Variants in ARB2A observed in about 807,000 individuals in gnomAD.
ARB2A encodes cotranscriptional regulator ARB2A.
At chr5:93,661,909 G>A in the ARB2A span, among the ~76,000 whole-genome samples, 7 of 152,148 alleles carry the variant, frequency 4.6e-5, no homozygotes, top group Non-Finnish European at 1.0e-4. Flanking sequence ...AAAGTACTGA[G>A]TGGGCAGAAA....
the ARB2A span, among the ~76,000 whole-genome samples, chr5:94,076,648 T>C: frequency 1.3e-5 from 2 of 152,240 alleles, no homozygotes; most frequent in African/African-American, 4.8e-5. Flanking sequence ...AAGTCCCACA[T>C]GATAGTGCAC....
the ARB2A span, among the ~76,000 whole-genome samples, chr5:93,945,062 A>G: frequency 2.0e-5 from 3 of 152,200 alleles, no homozygotes; most frequent in Admixed American, 1.3e-4. Flanking sequence ...CTCTCTAAAA[A>G]ACAGACACCA....
At chr5:93,849,466 TACAC>T in the ARB2A span, among the ~76,000 whole-genome samples, 2 of 151,474 alleles carry the variant, frequency 1.3e-5, no homozygotes, top group Non-Finnish European at 3.0e-5. Flanking sequence ...TCAGGAAGAA[TACAC>T]ACACACACAC....
the ARB2A span, among the ~76,000 whole-genome samples, chr5:93,635,575 G>C: frequency 2.6e-5 from 4 of 151,772 alleles, no homozygotes; most frequent in South Asian, 6.3e-4. Flanking sequence ...AAGAAGCTGG[G>C]AGTACGGGCG....
the ARB2A span, among the ~76,000 whole-genome samples, chr5:93,919,817 C>T: frequency 6.6e-6 from 1 of 152,094 alleles, no homozygotes; most frequent in Admixed American, 6.5e-5. Context: ...TTCAAATGAA[C>T]TTTATTTTAG....
the ARB2A span, among the ~76,000 whole-genome samples, chr5:93,894,570 A>G: frequency 2.0e-5 from 3 of 152,094 alleles, no homozygotes; most frequent in African/African-American, 4.8e-5. Flanking sequence ...AACCTTCAAA[A>G]TCTATCCTTG....
At chr5:93,930,243 A>G in the ARB2A span, among the ~76,000 whole-genome samples, 4 of 152,230 alleles carry the variant, frequency 2.6e-5, no homozygotes, top group Non-Finnish European at 5.9e-5. Flanking sequence ...AGATGAAGAC[A>G]AAGCATTTAT....
At chr5:94,067,931 T>A in the ARB2A span, among the ~76,000 whole-genome samples, 1 of 152,196 alleles carries the variant, frequency 6.6e-6, no homozygotes, top group Non-Finnish European at 1.5e-5. Context: ...CATTACAAAG[T>A]TACAGTAACC....
chr5:93,769,585 C>T, the ARB2A span, among the ~76,000 whole-genome samples: 4 of 152,080 alleles, frequency 2.6e-5, no homozygotes, highest in African/African-American at 9.7e-5. Context: ...ATAGGAAATG[C>T]TGGGGGTGCT....
At chr5:93,822,824 A>C in the ARB2A span, among the ~76,000 whole-genome samples, 1 of 152,264 alleles carries the variant, frequency 6.6e-6, no homozygotes, top group African/African-American at 2.4e-5. Context: ...ATCCCTAAAA[A>C]CTGAAATAAA....
At chr5:93,861,887 A>G in the ARB2A span, 1 of 152,212 alleles carries the variant, frequency 6.6e-6, no homozygotes, top group East Asian at 1.9e-4. Flanking sequence ...AAAATGATGG[A>G]TAGTATCCGT....
At chr5:94,051,048 C>A in the ARB2A span, among the ~76,000 whole-genome samples, 3 of 152,102 alleles carry the variant, frequency 2.0e-5, no homozygotes, top group African/African-American at 4.8e-5. Flanking sequence ...TTCTTCTTGA[C>A]CTTCATGTCT....
At chr5:93,935,733 T>A in the ARB2A span, among the ~76,000 whole-genome samples, 1 of 152,212 alleles carries the variant, frequency 6.6e-6, no homozygotes, top group Admixed American at 6.5e-5. Context: ...CCAAATATAA[T>A]ATTTCACATC....
chr5:93,654,971 T>C, the ARB2A span, among the ~76,000 whole-genome samples: 2 of 152,188 alleles, frequency 1.3e-5, no homozygotes, highest in Non-Finnish European at 2.9e-5. Flanking sequence ...TGCAGTGTAG[T>C]GGAAAGCACC....
the ARB2A span, among the ~76,000 whole-genome samples, chr5:93,967,588 G>A: frequency 1.3e-5 from 2 of 152,046 alleles, no homozygotes; most frequent in African/African-American, 4.8e-5. Context: ...AAAACTAGGA[G>A]GAGGTTCAAC....
chr5:93,883,813 G>A, the ARB2A span, among the ~76,000 whole-genome samples: 2 of 150,840 alleles, frequency 1.3e-5, no homozygotes, highest in African/African-American at 4.9e-5. Context: ...AAAGAAAATT[G>A]CCTCCCTACT....
the ARB2A span, among the ~76,000 whole-genome samples, chr5:93,759,641 A>G: frequency 1.3e-5 from 2 of 152,254 alleles, no homozygotes; most frequent in African/African-American, 4.8e-5. Context: ...ATTAAAAACA[A>G]AAATCACATG....
At chr5:93,669,517 T>C in the ARB2A span, among the ~76,000 whole-genome samples, 17 of 152,312 alleles carry the variant, frequency 1.1e-4, no homozygotes, top group Admixed American at 1.0e-3. Context: ...AGTACCTACA[T>C]TTGTAAGGCA....
chr5:94,045,204 C>T, the ARB2A span, among the ~76,000 whole-genome samples: 1 of 151,470 alleles, frequency 6.6e-6, no homozygotes, highest in Non-Finnish European at 1.5e-5. Context: ...TAATCCACCC[C>T]TTGTTTAGCA....
Sources: gnomAD v4.1 joint callset for allele counts (sites outside exome capture counted in the v4.1 genomes callset) on GRCh38, gnomAD v4.1.1 for gene constraint, MANE v1.5 for transcripts, NCBI Gene and HGNC (gene_info 2026-07-23, HGNC 2026-07-21) for gene names.